The following MAP3K20 variants were observed in gnomAD, a reference collection of about 807,000 sequenced individuals.
MAP3K20 encodes the protein mitogen-activated protein kinase kinase kinase 20, also known as HCCS-4.
In MAP3K20, 40 loss-of-function variants were observed where a neutral mutation model predicts 85.7. The observed-to-expected ratio is 0.47, with a 90% CI of 0.36 to 0.61. MAP3K20 has a LOEUF of 0.61. Ranked by LOEUF, MAP3K20 falls within the 20% of genes least tolerant of loss-of-function variation. The pLI is 0.00. For synonymous variants in MAP3K20, 325 were observed against 327.7 expected (o/e 0.99, Z 0.09); for missense variants, 817 against 961.7 (o/e 0.85, Z 1.99).
At chr2:173,177,020 C>T (rs1690180169) in intron 3 of MAP3K20, among the ~76,000 whole-genome samples, 1 of 152,176 alleles carries the variant, frequency 6.6e-6, no homozygotes, top group African/African-American at 2.4e-5. Context: ...AATGTATACA[C>T]ACCTAAAACA....
At chr2:173,262,497 G>A (rs1685320521) in intron 18 of MAP3K20, among the ~76,000 whole-genome samples, 1 of 152,040 alleles carries the variant, frequency 6.6e-6, no homozygotes, top group African/African-American at 2.4e-5. Context: ...CTACTCAGGA[G>A]GCTGAGGCAG....
chr2:173,260,059 G>A lies in MAP3K20; in HGVS notation c.1477-1004G>A, dbSNP rs181149215. ...TAATCCTAATTTAAAACAAACAAAC[G>A]ACAGCAACAACAAAAAACTAGCCCA... is the stretch of plus-strand genomic sequence containing the variant. On this transcript the variant is annotated intron_variant, in intron 17 of 19. Transcript: ENST00000375213. Among the ~76,000 whole-genome samples the A allele has an allele frequency of 2.5e-3, 384 of 152,132 alleles. 1 individual carries two copies. The highest frequency in any genetic ancestry group is 8.6e-3 in the African/African-American group (358 of 41,516).
intron 5 of MAP3K20, among the ~76,000 whole-genome samples, chr2:173,188,149 G>C (rs1193312403): frequency 1.3e-5 from 2 of 152,118 alleles, no homozygotes; most frequent in Non-Finnish European, 2.9e-5. Flanking sequence ...GAAAGTAAAG[G>C]CTCTCTTTTT....
intron 3 of MAP3K20, among the ~76,000 whole-genome samples, chr2:173,170,697 G>C (rs1689974632): frequency 6.6e-6 from 1 of 151,758 alleles, no homozygotes; most frequent in Admixed American, 6.6e-5. Context: ...TCAATAAAAA[G>C]GATTGTATTA....
At position 173,123,434 on chromosome 2, in the gene MAP3K20, G is replaced by C. The variant is rs567416695; in HGVS notation, c.159+32244G>C. Among the ~76,000 whole-genome samples, 7 of 152,320 alleles carry C rather than the reference G, an allele frequency of 4.6e-5. No individual in the cohort carries two copies. The South Asian group carries it at 1.2e-3, about 27-fold the overall frequency. Reference sequence around the variant, plus strand: ...TTCCTTCTGGGTGATGCTGTGTACTGTGAAGCATGTTGAGATTTAGGAACT... The same window carrying C: ...TTCCTTCTGGGTGATGCTGTGTACTCTGAAGCATGTTGAGATTTAGGAACT... On this transcript the variant is annotated intron_variant, in intron 2 of 19. Transcript: ENST00000375213.
Position 173,243,052 on chromosome 2 carries a change from C to T in MAP3K20, c.1359+3556C>T, listed in dbSNP as rs557848713. Reference sequence around the variant, plus strand: ...CATTTGGCAGGCATTTACTGAGGACCTACTTTGTGCCTGGCTCTAAGGTAG... The same window carrying T: ...CATTTGGCAGGCATTTACTGAGGACTTACTTTGTGCCTGGCTCTAAGGTAG... On this transcript the variant is annotated intron_variant, in intron 16 of 19. Coordinates refer to ENST00000375213, the MANE Select transcript of MAP3K20 (RefSeq NM_016653.3). Among the ~76,000 whole-genome samples, 7 of 152,282 alleles carry T rather than the reference C, an allele frequency of 4.6e-5. No homozygotes were observed. In the South Asian group the frequency reaches 1.4e-3, roughly 32 times the overall value.
intron 2 of MAP3K20, among the ~76,000 whole-genome samples, chr2:173,133,756 G>A (rs1201501028): frequency 2.0e-5 from 3 of 151,596 alleles, no homozygotes; most frequent in African/African-American, 4.8e-5. Flanking sequence ...ACATTCATGC[G>A]GGCGGATCAC....
chr2:173,216,221 A>G (rs1574123329), intron 10 of MAP3K20, among the ~76,000 whole-genome samples: 1 of 152,252 alleles, frequency 6.6e-6, no homozygotes, highest in South Asian at 2.1e-4. Context: ...GAGCCATGGT[A>G]CCAGTTCCAC....
chr2:173,091,029 G>T lies in MAP3K20; in HGVS notation c.-3G>T. ...TGGAAGTATAATACTTTGTCATTAT[G>T]AGATGTCGTCTCTCGGTGCCTCCTT... On this transcript the variant is annotated 5_prime_UTR_variant, in exon 2 of 20. The change abolishes an upstream ATG in the 5' untranslated region. Transcript: ENST00000375213. 6.2e-7 allele frequency: 1 copy of T among 1,607,128 alleles called. No homozygotes were observed. The highest frequency in any genetic ancestry group is 1.1e-5 in the South Asian group (1 of 90,658).
At chr2:173,205,211 T>TTTAA (rs1683644667) in intron 9 of MAP3K20, among the ~76,000 whole-genome samples, 1 of 151,792 alleles carries the variant, frequency 6.6e-6, no homozygotes, top group Non-Finnish European at 1.5e-5. Context: ...AGTTTTATAG[T>TTTAA]TTAAATTTGT....
At chr2:173,124,787 C>G (rs573489457) in intron 2 of MAP3K20, among the ~76,000 whole-genome samples, 4 of 152,190 alleles carry the variant, frequency 2.6e-5, no homozygotes, top group Non-Finnish European at 5.9e-5. Flanking sequence ...ATGCTCCTTC[C>G]TCTGCTACGA....
intron 2 of MAP3K20, among the ~76,000 whole-genome samples, chr2:173,138,259 G>A (rs1315863890): frequency 2.0e-5 from 3 of 152,106 alleles, no homozygotes; most frequent in South Asian, 2.1e-4. Context: ...GTGAGCTACC[G>A]TGCCTGGCAA....
At position 173,140,102 on chromosome 2, in the gene MAP3K20, C is replaced by T. The variant is rs1688924286; in HGVS notation, c.160-29703C>T. On this transcript the variant is annotated intron_variant, in intron 2 of 19. Transcript: ENST00000375213. ...TCTCAGCTCACTGCAACCTCCGCCT[C>T]CCGGGTTCAAGCGATTCCCCTGCCT... Among the ~76,000 whole-genome samples the T allele has an allele frequency of 3.3e-5, 5 of 152,118 alleles. No individual in the cohort carries two copies. The South Asian group carries it at 1.0e-3, about 31-fold the overall frequency.
chr2:173,235,610 A>G (rs963294234), intron 14 of MAP3K20, among the ~76,000 whole-genome samples: 2 of 152,228 alleles, frequency 1.3e-5, no homozygotes, highest in African/African-American at 2.4e-5. Flanking sequence ...TAATGGGAGT[A>G]GAGCCCCCTT....
intron 2 of MAP3K20, among the ~76,000 whole-genome samples, chr2:173,125,046 T>G (rs1359202262): frequency 1.3e-5 from 2 of 152,200 alleles, no homozygotes; most frequent in Non-Finnish European, 1.5e-5. Flanking sequence ...GAGATGTTTT[T>G]ACAGGGTCCA....
intron 2 of MAP3K20, among the ~76,000 whole-genome samples, chr2:173,152,953 A>G (rs1391248844): frequency 2.0e-5 from 3 of 152,214 alleles, no homozygotes; most frequent in African/African-American, 7.2e-5. Context: ...TAATCTTAAG[A>G]GTTCAGAGTT....
At position 173,237,137 on chromosome 2, in the gene MAP3K20, C is replaced by T. The variant is rs1193225760; in HGVS notation, c.1204-1236C>T. On this transcript the variant is annotated intron_variant, in intron 14 of 19. Transcript: ENST00000375213. ...CGCCTCCCGGATTCAAGCGATTCTC[C>T]TGCCTCAGCCTCCTGAGTAGCTGGA... 2.7e-5 allele frequency among the ~76,000 whole-genome samples: 4 copies of T among 149,492 alleles called. No individual in the cohort carries two copies. In the South Asian group the frequency reaches 8.5e-4, roughly 32 times the overall value.
At chr2:173,191,230 C>G in intron 7 of MAP3K20, 53 bp downstream of exon 7, 1 of 1,602,456 alleles carries the variant, frequency 6.2e-7, no homozygotes, top group Middle Eastern at 1.7e-4. Context: ...AAAGCAAACA[C>G]TCAAAAGAAG....
intron 2 of MAP3K20, among the ~76,000 whole-genome samples, chr2:173,133,730 A>C (rs977380726): frequency 5.3e-5 from 8 of 151,832 alleles, no homozygotes; most frequent in African/African-American, 1.9e-4. Context: ...GTGCATTTTA[A>C]ATTTTTTTCT....
Sources: gnomAD v4.1 joint callset for allele counts (sites outside exome capture counted in the v4.1 genomes callset) on GRCh38, gnomAD v4.1.1 for gene constraint, MANE v1.5 for transcripts, NCBI Gene and HGNC (gene_info 2026-07-23, HGNC 2026-07-21) for gene names.